PHAF1: variants seen among roughly 807,000 people sequenced by gnomAD.
The protein encoded by PHAF1 is phagophore assembly factor 1.
PHAF1 carries 23 observed loss-of-function variants against 63.1 expected under a neutral mutation model. The observed-to-expected ratio is 0.36, with a 90% CI of 0.26 to 0.52. The LOEUF (loss-of-function observed/expected upper bound fraction) is 0.52. PHAF1 is among the 20% of genes least tolerant of loss of function. The probability of loss-of-function intolerance (pLI) is 0.93; values close to 1 mark genes in which losing one functional copy is unlikely to be tolerated. For missense variants in PHAF1, 427 were observed against 517.2 expected (o/e 0.83, Z 1.69); for synonymous variants, 167 against 185.0 (o/e 0.90, Z 0.79).
At chr16:67,132,244 G>A (rs766486903) in intron 4 of PHAF1, 7 of 547,378 alleles carry the variant, frequency 1.3e-5, no homozygotes, top group African/African-American at 2.0e-5. Flanking sequence ...GATCAACTCT[G>A]TATATCAGCC....
chr16:67,116,804 T>A (rs1471992104), intron 1 of PHAF1, among the ~76,000 whole-genome samples: 1 of 152,030 alleles, frequency 6.6e-6, no homozygotes, highest in African/African-American at 2.4e-5. Flanking sequence ...GAGCCAAGAT[T>A]GCACCACTAC....
chr16:67,127,110 C>T (rs1007954104), intron 3 of PHAF1, among the ~76,000 whole-genome samples: 2 of 152,044 alleles, frequency 1.3e-5, no homozygotes, highest in South Asian at 2.1e-4. Flanking sequence ...CCTCGTGATC[C>T]GCCCGCCTCG....
intron 1 of PHAF1, among the ~76,000 whole-genome samples, chr16:67,113,907 T>G (rs1962633125): frequency 6.6e-6 from 1 of 152,032 alleles, no homozygotes. Context: ...TTCACGATGT[T>G]GACCAGGCTG....
At chr16:67,112,715 G>A (rs983447789) in intron 1 of PHAF1, among the ~76,000 whole-genome samples, 12 of 152,066 alleles carry the variant, frequency 7.9e-5, no homozygotes, top group African/African-American at 2.9e-4. Context: ...TGTCTAAATA[G>A]CAACCAAAAA....
chr16:67,141,424 T>C (rs1427300686), intron 10 of PHAF1, among the ~76,000 whole-genome samples: 1 of 152,204 alleles, frequency 6.6e-6, no homozygotes, highest in African/African-American at 2.4e-5. Flanking sequence ...GGGTGTTGCT[T>C]TTCCAGCTGG....
At chr16:67,126,426 A>G (rs1475047026) in intron 3 of PHAF1, among the ~76,000 whole-genome samples, 1 of 152,154 alleles carries the variant, frequency 6.6e-6, no homozygotes, top group East Asian at 1.9e-4. Context: ...TTCTTCCTAG[A>G]ATGCTGGGGC....
chr16:67,111,494 C>G (rs1480527379), intron 1 of PHAF1, among the ~76,000 whole-genome samples: 1 of 152,220 alleles, frequency 6.6e-6, no homozygotes, highest in Non-Finnish European at 1.5e-5. Flanking sequence ...ATAAATTATC[C>G]TTGACTCTGG....
chr16:67,132,386 C>G (rs1051155699), intron 4 of PHAF1, 60 bp from the exon 5 acceptor site: 1 of 1,399,970 alleles, frequency 7.1e-7, no homozygotes, highest in Non-Finnish European at 9.8e-7. Flanking sequence ...GCTACTATCT[C>G]ACATGATCTG....
intron 10 of PHAF1, 114 bp from the exon 11 acceptor site, chr16:67,144,180 A>G: frequency 2.9e-6 from 2 of 700,972 alleles, no homozygotes; most frequent in Non-Finnish European, 2.6e-6. Context: ...TGATGCCTGC[A>G]GGCATTCTTG....
chr16:67,112,665 A>G (rs1962565989), intron 1 of PHAF1, among the ~76,000 whole-genome samples: 1 of 152,190 alleles, frequency 6.6e-6, no homozygotes, highest in African/African-American at 2.4e-5. Flanking sequence ...TAGCTCTGCT[A>G]GTTTCCCAGG....
intron 1 of PHAF1, among the ~76,000 whole-genome samples, chr16:67,117,222 T>G (rs547752383): frequency 0.035 from 4,650 of 134,176 alleles, 110 homozygotes; most frequent in South Asian, 0.077. Context: ...TTTTTTTTTT[T>G]GTATTTTTAG....
intron 1 of PHAF1, among the ~76,000 whole-genome samples, chr16:67,117,040 C>CT (rs201442759): frequency 1.6e-3 from 242 of 148,482 alleles, no homozygotes; most frequent in Non-Finnish European, 2.8e-3. Flanking sequence ...TGGAAACAAA[C>CT]TTTTTTTTTT....
At chr16:67,144,469 T>G (rs937249099) in intron 11 of PHAF1, 93 bp downstream of exon 11, 3 of 866,208 alleles carry the variant, frequency 3.5e-6, no homozygotes, top group Non-Finnish European at 5.7e-6. Flanking sequence ...TTCACTAATT[T>G]ATCTACACCT....
chr16:67,117,572 C>G lies in PHAF1; in HGVS notation c.65-2540C>G, dbSNP rs937339932. ...GCGGTGGATCACGAGGTCAGGAGAT[C>G]GAGACCATCCTGGCTTACATGGTGA... On this transcript the variant is annotated intron_variant, in intron 1 of 15. Coordinates refer to ENST00000219139, the MANE Select transcript of PHAF1 (RefSeq NM_025187.5). Among the ~76,000 whole-genome samples the G allele has an allele frequency of 2.0e-5, 3 of 151,212 alleles. No individual in the cohort carries two copies. The South Asian group carries it at 6.3e-4, about 32-fold the overall frequency.
At chr16:67,139,034 T>G (rs1284792530) in intron 8 of PHAF1, among the ~76,000 whole-genome samples, 1 of 151,942 alleles carries the variant, frequency 6.6e-6, no homozygotes, top group Non-Finnish European at 1.5e-5. Context: ...TCCTCCCACC[T>G]TAGCCTCCCA....
chr16:67,144,197 A>C, intron 10 of PHAF1, 97 bp from the exon 11 acceptor site: 1 of 780,436 alleles, frequency 1.3e-6, no homozygotes, highest in Non-Finnish European at 2.3e-6. Context: ...CTTGCTGTGG[A>C]GTGCACTGGA....
At chr16:67,142,792 G>T (rs1963860653) in intron 10 of PHAF1, among the ~76,000 whole-genome samples, 5 of 152,202 alleles carry the variant, frequency 3.3e-5, no homozygotes, top group Admixed American at 3.3e-4. Flanking sequence ...CTTAGTAGAG[G>T]CCAGGGCTCT....
rs2030201512 is a variant in PHAF1 at position 67,147,446 on chromosome 16, T to C, written c.*315T>C. 2.9e-6 allele frequency: 1 copy of C among 340,886 alleles called. No homozygotes were observed. Among genetic ancestry groups the C allele is most frequent in the African/African-American group, 2.1e-5 (1 of 47,746 alleles). The allele number at this position is 340,886 out of a possible 1,614,324, so 21.1% of individuals were successfully genotyped here. A position where few individuals can be genotyped will look rare whatever the true frequency, so the allele number is the denominator to read the frequency against. ...GCAGGAGAGGTCAACCCTTGTCCCA[T>C]GCACATTGGGAAGACTTGGGGCTCT... On this transcript the variant is annotated 3_prime_UTR_variant, in exon 16 of 16. Transcript: ENST00000219139.
intron 1 of PHAF1, among the ~76,000 whole-genome samples, chr16:67,115,456 G>A (rs1056204353): frequency 5.9e-5 from 9 of 152,210 alleles, no homozygotes; most frequent in African/African-American, 1.9e-4. Context: ...ACGTGTGCAA[G>A]TAACAAAGGG....
Sources: gnomAD v4.1 joint callset for allele counts (sites outside exome capture counted in the v4.1 genomes callset) on GRCh38, gnomAD v4.1.1 for gene constraint, MANE v1.5 for transcripts, NCBI Gene and HGNC (gene_info 2026-07-23, HGNC 2026-07-21) for gene names.